The following LRIF1 variants were observed in gnomAD, a reference collection of about 807,000 sequenced individuals.
LRIF1 encodes ligand dependent nuclear receptor interacting factor 1.
In LRIF1, 32 loss-of-function variants were observed where a neutral mutation model predicts 52.7. That is an observed-to-expected ratio of 0.61 (90% CI 0.46 to 0.82). The LOEUF is 0.82. Ranked by LOEUF, LRIF1 falls within the 40% of genes least tolerant of loss-of-function variation. The probability of loss-of-function intolerance (pLI) is 0.00; values close to 1 mark genes in which losing one functional copy is unlikely to be tolerated. For missense variants in LRIF1, 887 were observed against 892.0 expected, an observed-to-expected ratio of 0.99 and a Z score of 0.07; for synonymous variants, 323 against 317.4, an observed-to-expected ratio of 1.02 and a Z score of -0.19.
the LRIF1 span, among the ~76,000 whole-genome samples, chr1:110,913,199 A>G: frequency 0.056 from 8,496 of 152,282 alleles, 288 homozygotes; most frequent in East Asian, 0.14. Flanking sequence ...TAAATGTGAG[A>G]CGTAAAACTA....
At chr1:110,926,439 A>G in the LRIF1 span, among the ~76,000 whole-genome samples, 1 of 151,938 alleles carries the variant, frequency 6.6e-6, no homozygotes, top group Non-Finnish European at 1.5e-5. Context: ...ATTACACAAT[A>G]TATATATTAT....
chr1:110,962,061 T>TACACACACACACACACACACAC (rs59351644), intron 1 of LRIF1, among the ~76,000 whole-genome samples: 1 of 143,790 alleles, frequency 7.0e-6, no homozygotes, highest in Non-Finnish European at 1.5e-5. Flanking sequence ...GAGTTAAGGG[T>TACACACACACACACACACACAC]ACACACACAC....
In LRIF1 at chr1:110,949,922, A is replaced by C. The variant is rs1398223988; in HGVS notation, c.1798T>G (p.Phe600Val). The change falls in exon 3 of 4, where the codon TTT (phenylalanine) becomes GTT (valine). Residue 600 changes from phenylalanine to valine, a missense_variant. Phe to Val is a conservative substitution (Grantham distance 50, BLOSUM62 -1). Coordinates refer to ENST00000369763, the MANE Select transcript of LRIF1 (RefSeq NM_018372.4). ...GTACCACTCTTTACCAAACTGCTAA[A>C]GGAATCGAAACCTTCTCCAGAGGTC... ...HLTSGEGFDS[F>V]SSLVKSGTYK... 6.2e-7 allele frequency: 1 copy of C among 1,614,144 alleles called. No individual in the cohort carries two copies. Among genetic ancestry groups the C allele is most frequent in the Admixed American group, 1.7e-5 (1 of 60,026 alleles).
the LRIF1 span, among the ~76,000 whole-genome samples, chr1:110,882,934 T>C: frequency 1.3e-5 from 2 of 152,100 alleles, no homozygotes; most frequent in Non-Finnish European, 2.9e-5. Context: ...CTACACTTAC[T>C]TGTTAGTTCT....
chr1:110,889,448 C>G, the LRIF1 span, among the ~76,000 whole-genome samples: 2 of 152,142 alleles, frequency 1.3e-5, no homozygotes, highest in East Asian at 3.9e-4. Flanking sequence ...AACCCAGCTA[C>G]TCGGGAGGCT....
chr1:110,894,423 TTATTGTCTTAATACTGAAAG>T, the LRIF1 span: 2 of 1,573,686 alleles, frequency 1.3e-6, no homozygotes, highest in African/African-American at 2.7e-5. Flanking sequence ...AGACAACAAC[TTATTGTCTTAATACTGAAAG>T]TGGGGAGTAT....
chr1:110,955,593 T>A (rs1392638483), intron 1 of LRIF1, among the ~76,000 whole-genome samples: 1 of 152,148 alleles, frequency 6.6e-6, no homozygotes, highest in African/African-American at 2.4e-5. Flanking sequence ...CCAAATAGGA[T>A]AAGGATTAAA....
At chr1:110,929,540 C>T in the LRIF1 span, among the ~76,000 whole-genome samples, 3,884 of 152,100 alleles carry the variant, frequency 0.026, 166 homozygotes, top group African/African-American at 0.089. Context: ...TTTTCATATG[C>T]TTGTGGCCCG....
At chr1:110,932,181 C>T in the LRIF1 span, among the ~76,000 whole-genome samples, 11 of 152,174 alleles carry the variant, frequency 7.2e-5, no homozygotes, top group African/African-American at 2.7e-4. Context: ...GTAAGGGATC[C>T]AGTTTCAGCT....
chr1:110,949,671 C>A (rs1658377870), intron 3 of LRIF1, among the ~76,000 whole-genome samples, 180 bp downstream of exon 3: 1 of 152,186 alleles, frequency 6.6e-6, no homozygotes, highest in Non-Finnish European at 1.5e-5. Context: ...CCACCCGCCT[C>A]AGCCTTCCAA....
At chr1:110,907,065 C>T in the LRIF1 span, among the ~76,000 whole-genome samples, 1 of 152,152 alleles carries the variant, frequency 6.6e-6, no homozygotes, top group East Asian at 1.9e-4. Context: ...CAGCATATAA[C>T]AACTCAGTCC....
At chr1:110,943,078 T>G (rs1658128366), downstream of LRIF1, among the ~76,000 whole-genome samples, 1 of 152,064 alleles carries the variant, frequency 6.6e-6, no homozygotes, top group Non-Finnish European at 1.5e-5. Context: ...AAAAGATTAT[T>G]ATGTCCCTGA....
At chr1:110,946,538 A>C (rs1464649295), downstream of LRIF1, among the ~76,000 whole-genome samples, 1 of 151,926 alleles carries the variant, frequency 6.6e-6, no homozygotes, top group Non-Finnish European at 1.5e-5. Context: ...AAGCAGCAAA[A>C]TCTAGCTGAT....
the LRIF1 span, among the ~76,000 whole-genome samples, chr1:110,907,424 A>C: frequency 1.3e-5 from 2 of 152,158 alleles, no homozygotes; most frequent in African/African-American, 4.8e-5. Flanking sequence ...TTTGGTGGGC[A>C]TCTTGCTCCA....
chr1:110,939,232 G>C, the LRIF1 span: 1 of 151,848 alleles, frequency 6.6e-6, no homozygotes, highest in Non-Finnish European at 1.5e-5. Context: ...CAAAAAATTA[G>C]CCGGGCGTGT....
At chr1:110,938,679 AT>A in the LRIF1 span, 4 of 152,236 alleles carry the variant, frequency 2.6e-5, no homozygotes, top group African/African-American at 4.8e-5. Context: ...CACCACTGTT[AT>A]TCAGCATAGT....
chr1:110,898,065 A>AC, the LRIF1 span, among the ~76,000 whole-genome samples: 1 of 152,206 alleles, frequency 6.6e-6, no homozygotes, highest in Non-Finnish European at 1.5e-5. Flanking sequence ...GCTTTAAGGT[A>AC]TATAGAAAAT....
the LRIF1 span, among the ~76,000 whole-genome samples, chr1:110,904,685 A>T: frequency 6.6e-6 from 1 of 152,220 alleles, no homozygotes; most frequent in African/African-American, 2.4e-5. Context: ...AAACAAGCCC[A>T]GACAGTGAAG....
chr1:110,889,857 C>A, the LRIF1 span, among the ~76,000 whole-genome samples: 5 of 152,088 alleles, frequency 3.3e-5, no homozygotes, highest in Admixed American at 6.5e-5. Context: ...TATTCAAATG[C>A]ATTTATAATC....
Sources: gnomAD v4.1 joint callset for allele counts (sites outside exome capture counted in the v4.1 genomes callset) on GRCh38, gnomAD v4.1.1 for gene constraint, MANE v1.5 for transcripts, NCBI Gene and HGNC (gene_info 2026-07-23, HGNC 2026-07-21) for gene names.